TSPAN18: variants seen among roughly 807,000 people sequenced by gnomAD.
The protein encoded by TSPAN18 is tetraspanin 18, also known as tetraspanin-18.
TSPAN18 carries 14 observed loss-of-function variants against 27.3 expected under a neutral mutation model. That is an observed-to-expected ratio of 0.51 (90% CI 0.34 to 0.80). The LOEUF is 0.80. Among genes scored for constraint, TSPAN18 ranks in the 30% least tolerant of loss-of-function variants. The pLI, the probability that TSPAN18 is intolerant of heterozygous loss-of-function variation, is 0.01. For missense variants in TSPAN18, 268 were observed against 323.9 expected, an observed-to-expected ratio of 0.83 and a Z score of 1.32; for synonymous variants, 143 against 136.5, an observed-to-expected ratio of 1.05 and a Z score of -0.33.
intron 2 of TSPAN18, among the ~76,000 whole-genome samples, chr11:44,829,792 C>T (rs1857118239): frequency 6.6e-6 from 1 of 152,298 alleles, no homozygotes; most frequent in South Asian, 2.1e-4. Flanking sequence ...CCATTTTGCA[C>T]TCCCCCCAGC....
intron 1 of TSPAN18, among the ~76,000 whole-genome samples, chr11:44,757,890 G>A (rs1375533073): frequency 2.0e-5 from 3 of 152,094 alleles, no homozygotes; most frequent in African/African-American, 7.2e-5. Flanking sequence ...TATATGATTT[G>A]CAAATATGTT....
At chr11:44,769,564 T>C (rs1855644703) in intron 2 of TSPAN18, among the ~76,000 whole-genome samples, 1 of 152,258 alleles carries the variant, frequency 6.6e-6, no homozygotes, top group Admixed American at 6.5e-5. Flanking sequence ...ATTAGATTTC[T>C]TTAATATTAA....
intron 2 of TSPAN18, among the ~76,000 whole-genome samples, chr11:44,840,438 C>A (rs1454733967): frequency 6.6e-6 from 1 of 152,196 alleles, no homozygotes. Flanking sequence ...TTGCTTAATA[C>A]TCCTAATAGC....
chr11:44,909,870 G>A lies in TSPAN18; in HGVS notation c.229G>A (p.Val77Ile), dbSNP rs763195686. The A allele has an allele frequency of 4.0e-5, 64 of 1,613,518 alleles. No homozygotes were observed. Among genetic ancestry groups the A allele is most frequent in the Admixed American group, 1.7e-4 (10 of 59,992 alleles). ...CGGCTTCCTGGGCTGCTGCGGGGCC[G>A]TCCGTGAGAACAAGTGTCTGCTGCT... ...LLGFLGCCGA[V>I]RENKCLLLFF... The change falls in exon 5 of 10, where the codon GTC (valine) becomes ATC (isoleucine). Residue 77 changes from valine (V) to isoleucine (I), a missense_variant. Transcript: ENST00000520358.
At chr11:44,897,260 C>T (rs1350846355) in intron 3 of TSPAN18, among the ~76,000 whole-genome samples, 4 of 152,340 alleles carry the variant, frequency 2.6e-5, no homozygotes, top group Middle Eastern at 3.4e-3. Flanking sequence ...TCTCACAAAT[C>T]CTTATGCAAA....
chr11:44,877,641 G>GT (rs1419166672), intron 3 of TSPAN18, among the ~76,000 whole-genome samples: 3 of 152,144 alleles, frequency 2.0e-5, no homozygotes, highest in Non-Finnish European at 4.4e-5. Context: ...AAACAGCCAG[G>GT]TTATGGTGAC....
At chr11:44,895,325 A>G (rs563716468) in intron 3 of TSPAN18, among the ~76,000 whole-genome samples, 1 of 152,312 alleles carries the variant, frequency 6.6e-6, no homozygotes, top group South Asian at 2.1e-4. Context: ...AATAGCTCCC[A>G]TGGTACTGTG....
intron 4 of TSPAN18, chr11:44,909,453 G>A (rs753512357): frequency 2.0e-6 from 1 of 503,416 alleles, no homozygotes; most frequent in Non-Finnish European, 3.5e-6. Context: ...TACAGCCCGA[G>A]GTGGGGCTTG....
chr11:44,803,447 A>G (rs891351423), intron 2 of TSPAN18, among the ~76,000 whole-genome samples: 10 of 152,320 alleles, frequency 6.6e-5, no homozygotes, highest in African/African-American at 1.9e-4. Context: ...TTGAGGCCAG[A>G]GTACAGAAGT....
chr11:44,864,286 CA>C (rs34906166), intron 3 of TSPAN18, among the ~76,000 whole-genome samples: 2,385 of 92,044 alleles, frequency 0.026, 59 homozygotes, highest in African/African-American at 0.1. Flanking sequence ...GACTCCGTCT[CA>C]AAAAAAAAAA....
chr11:44,898,296 C>G (rs1859137824), intron 3 of TSPAN18, among the ~76,000 whole-genome samples: 1 of 152,238 alleles, frequency 6.6e-6, no homozygotes, highest in African/African-American at 2.4e-5. Context: ...CCTTTTCCCT[C>G]TCTCGGCCTC....
At chr11:44,737,807 T>C (rs953834970) in intron 1 of TSPAN18, among the ~76,000 whole-genome samples, 1 of 152,098 alleles carries the variant, frequency 6.6e-6, no homozygotes, top group Non-Finnish European at 1.5e-5. Flanking sequence ...CCTTCATGAA[T>C]GAATCTTTGT....
At chr11:44,773,152 C>T (rs1353719788) in intron 2 of TSPAN18, among the ~76,000 whole-genome samples, 1 of 152,102 alleles carries the variant, frequency 6.6e-6, no homozygotes, top group Non-Finnish European at 1.5e-5. Flanking sequence ...CGCGGTGGCT[C>T]ATGCCTATAA....
intron 3 of TSPAN18, among the ~76,000 whole-genome samples, chr11:44,872,615 G>T (rs1210548910): frequency 6.6e-6 from 1 of 152,150 alleles, no homozygotes; most frequent in Non-Finnish European, 1.5e-5. Context: ...ATGATAGCAG[G>T]TATCTATATT....
At chr11:44,768,031 G>A (rs1053626793) in intron 2 of TSPAN18, among the ~76,000 whole-genome samples, 1 of 152,190 alleles carries the variant, frequency 6.6e-6, no homozygotes, top group African/African-American at 2.4e-5. Flanking sequence ...AAGTTGGGTA[G>A]TGTCAGGTTT....
intron 1 of TSPAN18, among the ~76,000 whole-genome samples, chr11:44,746,756 C>CA (rs1326791945): frequency 6.6e-6 from 1 of 152,104 alleles, no homozygotes; most frequent in Non-Finnish European, 1.5e-5. Flanking sequence ...GACCCTCTCT[C>CA]AAAAAATAAT....
At chr11:44,870,687 T>C (rs1227289236) in intron 3 of TSPAN18, among the ~76,000 whole-genome samples, 1 of 152,200 alleles carries the variant, frequency 6.6e-6, no homozygotes, top group Middle Eastern at 3.2e-3. Flanking sequence ...CTCAGGAAAT[T>C]GTAGCTCAGA....
chr11:44,834,902 G>A (rs1385110409), intron 2 of TSPAN18, among the ~76,000 whole-genome samples: 1 of 152,202 alleles, frequency 6.6e-6, no homozygotes, highest in Non-Finnish European at 1.5e-5. Flanking sequence ...GGAAGGGGAG[G>A]AAAGCAAGGG....
intron 2 of TSPAN18, among the ~76,000 whole-genome samples, chr11:44,785,363 A>G (rs1261079669): frequency 6.6e-6 from 1 of 152,010 alleles, no homozygotes; most frequent in Non-Finnish European, 1.5e-5. Flanking sequence ...TCATTTATAT[A>G]TTCGTTCGGC....
Sources: gnomAD v4.1 joint callset for allele counts (sites outside exome capture counted in the v4.1 genomes callset) on GRCh38, gnomAD v4.1.1 for gene constraint, MANE v1.5 for transcripts, NCBI Gene and HGNC (gene_info 2026-07-23, HGNC 2026-07-21) for gene names.